The following SLC28A2 variants were observed in gnomAD, a reference collection of about 807,000 sequenced individuals.
SLC28A2 encodes the protein solute carrier family 28 member 2.
In SLC28A2, 69 loss-of-function variants were observed where a neutral mutation model predicts 72.9. The ratio of observed to expected loss-of-function variants is 0.95; its 90% CI spans 0.78 to 1.16. The LOEUF is 1.16. Ranked by LOEUF, SLC28A2 falls within the 50% of genes most tolerant of loss-of-function variation. The probability of loss-of-function intolerance (pLI) is 0.00; values close to 1 mark genes in which losing one functional copy is unlikely to be tolerated. For missense variants in SLC28A2, 745 were observed against 791.1 expected, an observed-to-expected ratio of 0.94 and a Z score of 0.70; for synonymous variants, 296 against 294.1, an observed-to-expected ratio of 1.01 and a Z score of -0.07.
At chr15:45,259,034 C>T (rs1458306829) in intron 3 of SLC28A2, among the ~76,000 whole-genome samples, 1 of 152,102 alleles carries the variant, frequency 6.6e-6, no homozygotes, top group African/African-American at 2.4e-5. Flanking sequence ...GTTTGTATTT[C>T]CCTAATGGCT....
rs757204145 is a variant in SLC28A2, at chr15:45,275,424, T to C, written c.1888T>C (p.Ser630Pro). 7 of 1,613,534 alleles carry C rather than the reference T, an allele frequency of 4.3e-6. No individual in the cohort carries two copies. The South Asian group carries it at 6.6e-5, about 15-fold the overall frequency. The change falls in exon 18 of 18, where the codon TCT becomes CCT. Residue 630 changes from serine (S) to proline (P), a missense_variant. By Grantham distance (74) the Ser-to-Pro change is moderately conservative (BLOSUM62 -1). Transcript: ENST00000347644. ...TTCTCTGAATGGCACCAACCCTCCT[T>C]CTTTTTCTGGTCCCTGGGAAGATAA... ...STSLNGTNPPSFSGPWEDKEF... is the reference protein window; with the variant it reads ...STSLNGTNPPPFSGPWEDKEF...
At chr15:45,274,796 G>T (rs1900699489) in intron 17 of SLC28A2, among the ~76,000 whole-genome samples, 1 of 151,566 alleles carries the variant, frequency 6.6e-6, no homozygotes, top group Non-Finnish European at 1.5e-5. Flanking sequence ...CCCGGCTGGG[G>T]TGCAGTGGCA....
Position 45,277,628 on chromosome 15 carries a change from G to A in SLC28A2, c.*2115G>A, listed in dbSNP as rs984209688. ...CAGAATATATAAATCCATAGAGACA[G>A]AAGGGAGATGGTGGTTGCCAGGGCC... On this transcript the variant is annotated 3_prime_UTR_variant, in exon 18 of 18. Coordinates refer to ENST00000347644, the MANE Select transcript of SLC28A2 (RefSeq NM_004212.4). 6 of 150,084 alleles carry A rather than the reference G, an allele frequency of 4.0e-5. No individual in the cohort carries two copies. In the East Asian group the frequency reaches 9.6e-4, roughly 24 times the overall value. The allele number at this position is 150,084 out of a possible 1,614,324, so 9.3% of individuals were successfully genotyped here. A position where few individuals can be genotyped will look rare whatever the true frequency, so the allele number is the denominator to read the frequency against.
At chr15:45,268,114 C>A (rs1166321325) in intron 12 of SLC28A2, 96 bp from the exon 13 acceptor site, 3 of 1,256,184 alleles carry the variant, frequency 2.4e-6, no homozygotes, top group African/African-American at 3.0e-5. Context: ...GCCTTGCACC[C>A]TCCTCCTGCA....
chr15:45,269,174 A>T (rs769405123), intron 13 of SLC28A2, among the ~76,000 whole-genome samples, 164 bp from the exon 14 acceptor site: 7 of 148,364 alleles, frequency 4.7e-5, no homozygotes, highest in Admixed American at 2.7e-4. Flanking sequence ...TAATAATAAT[A>T]AAAAAAAAAC....
chr15:45,277,187 CA>C lies in SLC28A2; in HGVS notation c.*1678del, dbSNP rs1327560451. ...GTGCTGAGACTCAGAAACTCTGATT[CA>C]AAATATTTTAGATATTTATTATATT... On this transcript the variant is annotated 3_prime_UTR_variant, in exon 18 of 18. Coordinates refer to ENST00000347644, the MANE Select transcript of SLC28A2 (RefSeq NM_004212.4). 2.0e-5 allele frequency: 3 copies of C among 150,434 alleles called. No homozygotes were observed. The highest frequency in any genetic ancestry group is 3.0e-5 in the Non-Finnish European group (2 of 67,726). 9.3% of individuals were successfully genotyped at this position (150,434 alleles called of 1,614,324 possible).
At chr15:45,260,348 T>C (rs1038181833) in intron 3 of SLC28A2, among the ~76,000 whole-genome samples, 11 of 151,870 alleles carry the variant, frequency 7.2e-5, no homozygotes, top group Admixed American at 3.9e-4. Flanking sequence ...GGGCACAGAG[T>C]GGAGTGGAGA....
rs1221138469 is a variant in SLC28A2, at chr15:45,276,530, AAAAAT to A, written c.*1026_*1030del. On this transcript the variant is annotated 3_prime_UTR_variant, in exon 18 of 18. Transcript: ENST00000347644. Reference sequence around the variant, plus strand: ...ATAAAATAAAGTGAAGCACCCACCAAAAAATAAAATAAATAAAATAAATAAATAAA... The same window carrying A: ...ATAAAATAAAGTGAAGCACCCACCAAAAAATAAATAAAATAAATAAATAAA... 1 of 99,762 alleles carries A rather than the reference AAAAAT, an allele frequency of 1.0e-5. No homozygotes were observed. Among genetic ancestry groups the A allele is most frequent in the African/African-American group, 3.2e-5 (1 of 31,346 alleles). 6.2% of individuals were successfully genotyped at this position (99,762 alleles called of 1,614,324 possible).
chr15:45,269,751 C>T (rs1900486853), intron 14 of SLC28A2, among the ~76,000 whole-genome samples: 1 of 152,296 alleles, frequency 6.6e-6, no homozygotes, highest in African/African-American at 2.4e-5. Flanking sequence ...CCTGCCACCC[C>T]CACCACTGCC....
chr15:45,274,512 CAAACAAAT>C (rs761477128), intron 17 of SLC28A2, among the ~76,000 whole-genome samples: 9 of 151,990 alleles, frequency 5.9e-5, no homozygotes, highest in Non-Finnish European at 1.0e-4. Flanking sequence ...AACAAACAAA[CAAACAAAT>C]AAAGATTTGG....
In SLC28A2 at chr15:45,269,536, G is replaced by GT; in HGVS notation, c.1566+2dup. 2.5e-6 allele frequency: 4 copies of GT among 1,612,354 alleles called. No homozygotes were observed. Among genetic ancestry groups the GT allele is most frequent in the Non-Finnish European group, 3.4e-6 (4 of 1,178,364 alleles). ...TGAGGGAGAGAAACAGTGGATTTCT[G>GT]TAAGTGACAATCCAAAAAGCATAAA... On this transcript the variant is annotated splice_donor_variant, in intron 14 of 17. Coordinates refer to ENST00000347644, the MANE Select transcript of SLC28A2 (RefSeq NM_004212.4). LOFTEE classifies it high-confidence loss of function.
At position 45,253,280 on chromosome 15, in the gene SLC28A2, C is replaced by G. The variant is rs11854484; in HGVS notation, c.65C>G (p.Pro22Arg). ...ACAGTGGAGACTGGCACAGTGAACCCGGGGCTGGAGCTCATGGTAATCACC... is the reference window on the plus strand; with the variant it reads ...ACAGTGGAGACTGGCACAGTGAACCGGGGGCTGGAGCTCATGGTAATCACC... ...LSTVETGTVN[P>R]GLELMEKEVE... The change falls in exon 2 of 18, where the codon CCG becomes CGG. Residue 22 changes from proline to arginine, a missense_variant. Coordinates refer to ENST00000347644, the MANE Select transcript of SLC28A2 (RefSeq NM_004212.4). 20 of 1,612,128 alleles carry G rather than the reference C, an allele frequency of 1.2e-5. No homozygotes were observed. Among genetic ancestry groups the G allele is most frequent in the Non-Finnish European group, 1.7e-5 (20 of 1,178,560 alleles).
chr15:45,272,782 G>C lies in SLC28A2; in HGVS notation c.1857G>C (p.Gln619His), dbSNP rs1900623139. ...ETYMCCRGLF[Q>H]STSLNGTNPP... Reference sequence around the variant, plus strand: ...ACATGTGCTGCAGAGGGCTCTTTCAGAGGTGAGCACCAGGACCCCATTCCT... The same window carrying C: ...ACATGTGCTGCAGAGGGCTCTTTCACAGGTGAGCACCAGGACCCCATTCCT... Residue 619 changes from glutamine (Q) to histidine (H), a missense_variant and splice_region_variant, in exon 17 of 18, where the codon CAG (glutamine) becomes CAC (histidine). Physicochemically the swap from Gln to His is conservative, Grantham distance 24. Coordinates refer to ENST00000347644, the MANE Select transcript of SLC28A2 (RefSeq NM_004212.4). The C allele has an allele frequency of 2.6e-6, 4 of 1,547,050 alleles. No homozygotes were observed. Among genetic ancestry groups the C allele is most frequent in the Non-Finnish European group, 2.7e-6 (3 of 1,118,804 alleles).
intron 3 of SLC28A2, among the ~76,000 whole-genome samples, chr15:45,259,400 G>A (rs902765595): frequency 6.6e-6 from 1 of 151,688 alleles, no homozygotes; most frequent in Non-Finnish European, 1.5e-5. Context: ...TGAACTATTG[G>A]GCTCAAGTGA....
At chr15:45,269,801 G>A (rs1900488688) in intron 14 of SLC28A2, among the ~76,000 whole-genome samples, 1 of 152,100 alleles carries the variant, frequency 6.6e-6, no homozygotes, top group Non-Finnish European at 1.5e-5. Context: ...GTAATTGCTG[G>A]GTCTTTACAG....
chr15:45,259,131 T>G (rs1188207447), intron 3 of SLC28A2, among the ~76,000 whole-genome samples: 2 of 152,178 alleles, frequency 1.3e-5, no homozygotes, highest in Non-Finnish European at 2.9e-5. Context: ...ATTGGCAGTG[T>G]TTTTCTTTCT....
At chr15:45,267,876 C>A (rs1253251622) in intron 12 of SLC28A2, 80 bp downstream of exon 12, 1 of 1,492,170 alleles carries the variant, frequency 6.7e-7, no homozygotes, top group Middle Eastern at 2.0e-4. Context: ...GACTTCAAGT[C>A]TCCCTGAGGG....
chr15:45,265,122 T>C lies in SLC28A2; in HGVS notation c.736T>C (p.Phe246Leu), dbSNP rs1393229580. The part of the protein sequence containing the change: ...FLNYTVAGSS[F>L]VFGDTLVKDV... ...GAACTACACTGTGGCCGGCTCCAGT[T>C]TTGTCTTTGGGGATACACTGGTCAA... is the stretch of plus-strand genomic sequence containing the variant. Residue 246 changes from phenylalanine to leucine, a missense_variant, in exon 8 of 18, where the codon TTT (phenylalanine) becomes CTT (leucine). Transcript: ENST00000347644. 6.2e-7 allele frequency: 1 copy of C among 1,613,266 alleles called. No homozygotes were observed. The highest frequency in any genetic ancestry group is 8.5e-7 in the Non-Finnish European group (1 of 1,179,260).
chr15:45,266,176 G>T lies in SLC28A2; in HGVS notation c.942+15G>T, dbSNP rs763236892. The T allele has an allele frequency of 2.8e-5, 44 of 1,593,520 alleles. No homozygotes were observed. The highest frequency in any genetic ancestry group is 3.8e-5 in the Non-Finnish European group (44 of 1,161,194). ...TTGTGGGTATGGTAAGCACCTTGAG[G>T]ACTTTTGGTCTTCTTCCCTCTGAGG... On this transcript the variant is annotated intron_variant, in intron 10 of 17. Coordinates refer to ENST00000347644, the MANE Select transcript of SLC28A2 (RefSeq NM_004212.4).
Sources: gnomAD v4.1 joint callset for allele counts (sites outside exome capture counted in the v4.1 genomes callset) on GRCh38, gnomAD v4.1.1 for gene constraint, MANE v1.5 for transcripts, NCBI Gene and HGNC (gene_info 2026-07-23, HGNC 2026-07-21) for gene names.